Variants in TTLL11 observed in about 807,000 individuals in gnomAD.
TTLL11 encodes tubulin tyrosine ligase like 11.
Under a neutral mutation model 51.7 loss-of-function variants are expected in TTLL11, and 42 were observed. The observed-to-expected ratio is 0.81, with a 90% CI of 0.64 to 1.05. The LOEUF (loss-of-function observed/expected upper bound fraction) is 1.05. Among genes scored for constraint, TTLL11 ranks in the 50% least tolerant of loss-of-function variants. TTLL11 has a pLI of 0.00. For missense variants in TTLL11, 799 were observed against 940.4 expected, an observed-to-expected ratio of 0.85 and a Z score of 1.97; for synonymous variants, 381 against 383.5, an observed-to-expected ratio of 0.99 and a Z score of 0.08.
At chr9:121,970,822 C>A (rs1842525289) in intron 6 of TTLL11, among the ~76,000 whole-genome samples, 1 of 152,202 alleles carries the variant, frequency 6.6e-6, no homozygotes, top group African/African-American at 2.4e-5. Flanking sequence ...CCAGAAATAC[C>A]ATTTGGCCCA....
At chr9:121,905,186 AC>A (rs1839899889) in intron 6 of TTLL11, among the ~76,000 whole-genome samples, 2 of 152,148 alleles carry the variant, frequency 1.3e-5, no homozygotes, top group Non-Finnish European at 2.9e-5. Context: ...AAAATATAGA[AC>A]TATATAGGCA....
intron 2 of TTLL11, among the ~76,000 whole-genome samples, chr9:122,036,494 C>T (rs7023298): frequency 0.04 from 6,077 of 151,420 alleles, 391 homozygotes; most frequent in African/African-American, 0.14. Flanking sequence ...TTTCTTTAGA[C>T]GTATCTAAAT....
chr9:121,936,821 TA>T (rs1278014231), intron 6 of TTLL11, among the ~76,000 whole-genome samples: 18 of 152,240 alleles, frequency 1.2e-4, no homozygotes, highest in African/African-American at 4.1e-4. Context: ...TGCAAATAGT[TA>T]TGAAACATTT....
intron 6 of TTLL11, among the ~76,000 whole-genome samples, chr9:121,900,747 C>T (rs1485380413): frequency 6.6e-6 from 1 of 152,096 alleles, no homozygotes; most frequent in East Asian, 1.9e-4. Context: ...TATCAGGTCT[C>T]TAATTTATTT....
At chr9:122,089,229 C>T (rs1846200726) in intron 1 of TTLL11, among the ~76,000 whole-genome samples, 1 of 152,226 alleles carries the variant, frequency 6.6e-6, no homozygotes, top group South Asian at 2.1e-4. Flanking sequence ...TCCACTCCCA[C>T]CAAAGCCAGC....
At chr9:121,826,537 G>GTGTA (rs1836797493) in intron 8 of TTLL11, among the ~76,000 whole-genome samples, 3 of 47,008 alleles carry the variant, frequency 6.4e-5, no homozygotes, top group African/African-American at 3.7e-4. Flanking sequence ...ATGTGTGTGT[G>GTGTA]TATATATATA....
chr9:121,931,220 C>G (rs1303046844), intron 6 of TTLL11, among the ~76,000 whole-genome samples: 3 of 152,224 alleles, frequency 2.0e-5, no homozygotes, highest in African/African-American at 7.2e-5. Context: ...GGGTAATGAT[C>G]TAACGTGCTT....
Position 122,012,678 on chromosome 9 carries a change from G to GCGCACA in TTLL11, c.693+19044_693+19045insTGTGCG, listed in dbSNP as rs577271170. On this transcript the variant is annotated intron_variant, in intron 3 of 8. Coordinates refer to ENST00000321582, the MANE Select transcript of TTLL11 (RefSeq NM_001139442.2). ...AAAATACACATACACACACACACAC[G>GCGCACA]CACACACACACACACACACACACAC... 3.0e-3 allele frequency among the ~76,000 whole-genome samples: 423 copies of GCGCACA among 142,632 alleles called. 2 individuals are homozygous for GCGCACA. Among genetic ancestry groups the GCGCACA allele is most frequent in the African/African-American group, 0.011 (411 of 38,892 alleles). The allele number at this position is 142,632 out of a possible 152,430, so 93.6% of individuals were successfully genotyped here. A position where few individuals can be genotyped will look rare whatever the true frequency, so the allele number is the denominator to read the frequency against.
chr9:122,087,541 C>T (rs1481239287), intron 1 of TTLL11, among the ~76,000 whole-genome samples: 1 of 152,130 alleles, frequency 6.6e-6, no homozygotes, highest in Non-Finnish European at 1.5e-5. Context: ...GATCTCAGGA[C>T]AGGGGCTTAT....
intron 6 of TTLL11, among the ~76,000 whole-genome samples, chr9:121,961,826 C>A (rs982807759): frequency 6.6e-6 from 1 of 152,122 alleles, no homozygotes; most frequent in Non-Finnish European, 1.5e-5. Flanking sequence ...GAGGCTGAGG[C>A]GGGTGAATTG....
At chr9:121,913,379 T>C (rs1253864507) in intron 6 of TTLL11, among the ~76,000 whole-genome samples, 1 of 152,192 alleles carries the variant, frequency 6.6e-6, no homozygotes, top group South Asian at 2.1e-4. Flanking sequence ...TTAAATTACA[T>C]AGTACATCAC....
intron 2 of TTLL11, among the ~76,000 whole-genome samples, chr9:122,037,457 G>C (rs1180733099): frequency 6.6e-6 from 1 of 152,170 alleles, no homozygotes; most frequent in Non-Finnish European, 1.5e-5. Flanking sequence ...TAGAATGTTA[G>C]CTGAATTACT....
chr9:122,003,989 G>C (rs1843562973), intron 3 of TTLL11, among the ~76,000 whole-genome samples: 1 of 151,342 alleles, frequency 6.6e-6, no homozygotes, highest in African/African-American at 2.4e-5. Flanking sequence ...GGGTGTGGTG[G>C]CACGCACCTG....
chr9:121,970,024 G>T (rs957758612), intron 6 of TTLL11, among the ~76,000 whole-genome samples: 1 of 152,034 alleles, frequency 6.6e-6, no homozygotes, highest in East Asian at 1.9e-4. Context: ...AAAAACAAAA[G>T]GTGAAATTAA....
At chr9:121,826,314 T>TTA (rs201255541) in intron 8 of TTLL11, among the ~76,000 whole-genome samples, 31,729 of 91,374 alleles carry the variant, frequency 0.35, 5,902 homozygotes, top group African/African-American at 0.48. Context: ...ATATATGGGT[T>TTA]TATATATATA....
chr9:121,945,417 G>A (rs182367451), intron 6 of TTLL11, among the ~76,000 whole-genome samples: 12 of 152,230 alleles, frequency 7.9e-5, no homozygotes, highest in East Asian at 7.7e-4. Context: ...GAGATTGCTC[G>A]GAAGGAAGAG....
At chr9:121,899,378 C>CATATATATATATATATATATATATACAT (rs1839672886) in intron 6 of TTLL11, among the ~76,000 whole-genome samples, 2 of 130,464 alleles carry the variant, frequency 1.5e-5, no homozygotes, top group African/African-American at 2.9e-5. Context: ...TATATATATA[C>CATATATATATATATATATATATATACAT]ATATATATAT....
At chr9:122,086,627 A>T (rs762795508) in intron 1 of TTLL11, among the ~76,000 whole-genome samples, 3 of 152,238 alleles carry the variant, frequency 2.0e-5, no homozygotes, top group Non-Finnish European at 4.4e-5. Context: ...ATGGCACAGG[A>T]ATTGCATCTC....
chr9:122,077,187 G>C, intron 1 of TTLL11, among the ~76,000 whole-genome samples: 1 of 152,196 alleles, frequency 6.6e-6, no homozygotes, highest in Non-Finnish European at 1.5e-5. Context: ...GTAGGTCTGA[G>C]TTGTAAAATA....
Sources: allele counts gnomAD v4.1 joint callset (sites outside exome capture counted in the v4.1 genomes callset), GRCh38; gene constraint gnomAD v4.1.1; transcripts MANE v1.5; gene names NCBI Gene and HGNC (gene_info 2026-07-23, HGNC 2026-07-21).